SLC25A3: variants seen among roughly 807,000 people sequenced by gnomAD.
SLC25A3 encodes solute carrier family 25 member 3.
SLC25A3 carries 14 observed loss-of-function variants against 37.1 expected under a neutral mutation model. The ratio of observed to expected loss-of-function variants is 0.38; its 90% CI spans 0.25 to 0.59. The LOEUF (loss-of-function observed/expected upper bound fraction) is 0.59, where lower values mean the gene tolerates loss of function less well. Ranked by LOEUF, SLC25A3 falls within the 20% of genes least tolerant of loss-of-function variation. The pLI is 0.67. For synonymous variants in SLC25A3, 161 were observed against 168.7 expected (o/e 0.95, Z 0.36); for missense variants, 385 against 458.1 (o/e 0.84, Z 1.46).
rs1394128435 is a variant in SLC25A3 at position 98,604,261 on chromosome 12, A to ATAT, written c.*2733_*2734insTAT. ...CAGCGAAACTCTGTCTCAAAAAAAA[A>ATAT]AAATATATATATATATATATATATA... On this transcript the variant is annotated 3_prime_UTR_variant, in exon 8 of 8. Coordinates refer to ENST00000552981, the MANE Select transcript of SLC25A3 (RefSeq NM_002635.4). The ATAT allele has an allele frequency of 3.2e-4, 38 of 117,336 alleles. No homozygotes were observed. The highest frequency in any genetic ancestry group is 1.1e-3 in the African/African-American group (34 of 31,158). The allele number at this position is 117,336 out of a possible 1,614,324, so 7.3% of individuals were successfully genotyped here.
chr12:98,600,071 G>C lies in SLC25A3; in HGVS notation c.758G>C (p.Arg253Pro). 1 of 1,614,152 alleles carries C rather than the reference G, an allele frequency of 6.2e-7. No homozygotes were observed. Among genetic ancestry groups the C allele is most frequent in the Non-Finnish European group, 8.5e-7 (1 of 1,179,992 alleles). Residue 253 changes from arginine to proline, a missense_variant, in exon 6 of 8, where the codon CGC becomes CCC. Arg to Pro is a moderately radical substitution (Grantham distance 103). Transcript: ENST00000552981. ...TACAAGTTTGTGGTTCCTAAGCCCC[G>C]CAGTGAATGTTCAAAGCCAGAGCAG... is the stretch of plus-strand genomic sequence containing the variant. ...ALYKFVVPKP[R>P]SECSKPEQLV... is the part of the protein sequence containing the mutation.
chr12:98,604,458 A>C lies in SLC25A3; in HGVS notation c.*2930A>C, dbSNP rs2097600144. 1 of 151,610 alleles carries C rather than the reference A, an allele frequency of 6.6e-6. No individual in the cohort carries two copies. The highest frequency in any genetic ancestry group is 1.5e-5 in the Non-Finnish European group (1 of 67,952). 9.4% of individuals were successfully genotyped at this position (151,610 alleles called of 1,614,324 possible). A position where few individuals can be genotyped will look rare whatever the true frequency, so the allele number is the denominator to read the frequency against. Reference sequence around the variant, plus strand: ...TGAACAGAAGAGTAACAGCTTAACTAAACCTCCATTGTGTGAAAGTTTTAT... The same window carrying C: ...TGAACAGAAGAGTAACAGCTTAACTCAACCTCCATTGTGTGAAAGTTTTAT... On this transcript the variant is annotated 3_prime_UTR_variant, in exon 8 of 8. Coordinates refer to ENST00000552981, the MANE Select transcript of SLC25A3 (RefSeq NM_002635.4).
chr12:98,594,054 C>A lies in SLC25A3; in HGVS notation c.76C>A (p.Leu26Ile). Residue 26 changes from leucine (L) to isoleucine (I), a missense_variant, in exon 2 of 8, where the codon CTC becomes ATC. Leu to Ile is a conservative substitution (Grantham distance 5, BLOSUM62 2). Around this residue, in one of 2 missense-constraint regions of SLC25A3, gnomAD observed 109 missense variants for 90.5 expected, o/e 1.20. Coordinates refer to ENST00000552981, the MANE Select transcript of SLC25A3 (RefSeq NM_002635.4). ...ACATCTGCAGCTGGTGCACGATGGT[C>A]TCGGGGACCTCCGCAGCAGCTCCCC... Reference protein sequence around the residue: ...TPHLQLVHDGLGDLRSSSPGP... With the variant: ...TPHLQLVHDGIGDLRSSSPGP... The A allele has an allele frequency of 6.2e-7, 1 of 1,613,288 alleles. No individual in the cohort carries two copies. Among genetic ancestry groups the A allele is most frequent in the South Asian group, 1.1e-5 (1 of 91,080 alleles).
chr12:98,594,475 A>G (rs901725547), intron 2 of SLC25A3: 4 of 644,724 alleles, frequency 6.2e-6, no homozygotes, highest in East Asian at 2.7e-5. Context: ...GAAACTACTG[A>G]CCACCCACAG....
exon 8 of SLC25A3, chr12:98,606,365 AAACT>A: frequency 6.6e-6 from 1 of 152,340 alleles, no homozygotes; most frequent in South Asian, 2.1e-4. Flanking sequence ...ATAAAAGTTC[AAACT>A]ATGTGTTGAA....
intron 5 of SLC25A3, among the ~76,000 whole-genome samples, chr12:98,599,187 G>T (rs2097595650): frequency 6.6e-6 from 1 of 151,994 alleles, no homozygotes; most frequent in Admixed American, 6.6e-5. Flanking sequence ...TCAGCCTGCT[G>T]AATAGCTGGG....
At position 98,595,759 on chromosome 12, in the gene SLC25A3, T is replaced by C. The variant is rs2097592518; in HGVS notation, c.190T>C (p.Tyr64His). 2 of 1,614,078 alleles carry C rather than the reference T, an allele frequency of 1.2e-6. No homozygotes were observed. Among genetic ancestry groups the C allele is most frequent in the Non-Finnish European group, 1.7e-6 (2 of 1,180,014 alleles). ...TTGTGAATTTGGCTCCGCGAAGTAT[T>C]ATGCACTGTGTGGCTTTGGTGGGGT... The part of the protein sequence containing the change: ...YSCEFGSAKY[Y>H]ALCGFGGVLS... Residue 64 changes from tyrosine (Y) to histidine (H), a missense_variant, in exon 3 of 8, where the codon TAT becomes CAT. Coordinates refer to ENST00000552981, the MANE Select transcript of SLC25A3 (RefSeq NM_002635.4).
Position 98,602,786 on chromosome 12 carries a change from C to T in SLC25A3, c.*1258C>T, listed in dbSNP as rs1381327335. On this transcript the variant is annotated 3_prime_UTR_variant, in exon 8 of 8. Coordinates refer to ENST00000552981, the MANE Select transcript of SLC25A3 (RefSeq NM_002635.4). ...CAAACACTAGATTTTACCTAGAGTC[C>T]TTATGTGTAATACGTGGGTTGGTTA... 1 of 152,128 alleles carries T rather than the reference C, an allele frequency of 6.6e-6. No homozygotes were observed. Among genetic ancestry groups the T allele is most frequent in the Admixed American group, 6.6e-5 (1 of 15,258 alleles). 9.4% of individuals were successfully genotyped at this position (152,128 alleles called of 1,614,324 possible). A position where few individuals can be genotyped will look rare whatever the true frequency, so the allele number is the denominator to read the frequency against.
rs150766632 is a variant in SLC25A3 at position 98,606,081 on chromosome 12, C to T, written c.*4553C>T. The T allele has an allele frequency of 3.9e-4, 60 of 152,200 alleles. No homozygotes were observed. Among genetic ancestry groups the T allele is most frequent in the African/African-American group, 1.0e-3 (43 of 41,524 alleles). 9.4% of individuals were successfully genotyped at this position (152,200 alleles called of 1,614,324 possible). Reference sequence around the variant, plus strand: ...GAGCTACAATCACACCCCTGCACTCCGGCCTGGGCGACAGAGTGATAACCT... The same window carrying T: ...GAGCTACAATCACACCCCTGCACTCTGGCCTGGGCGACAGAGTGATAACCT... On this transcript the variant is annotated 3_prime_UTR_variant, in exon 8 of 8. Coordinates refer to ENST00000552981, the MANE Select transcript of SLC25A3 (RefSeq NM_002635.4).
In SLC25A3 at chr12:98,595,830, A is replaced by G; in HGVS notation, c.261A>G (p.Leu87=). The stretch of plus-strand genomic sequence containing the variant: ...ACACTGCTGTGGTTCCCCTGGATTT[A>G]GTGAAATGCCGTATGCAGGTTTGTA... ...LTHTAVVPLD[L]VKCRMQVDPQ... Residue 87 remains leucine, a synonymous_variant, in exon 3 of 8, where the codon TTA becomes TTG. Transcript: ENST00000552981. 2 of 1,614,140 alleles carry G rather than the reference A, an allele frequency of 1.2e-6. No homozygotes were observed. The highest frequency in any genetic ancestry group is 1.7e-6 in the Non-Finnish European group (2 of 1,179,968).
chr12:98,594,450 G>GT (rs1296882152), intron 2 of SLC25A3: 3 of 668,140 alleles, frequency 4.5e-6, no homozygotes, highest in Admixed American at 2.1e-5. Context: ...TAAGTACTGG[G>GT]TAAACTCTCC....
rs774087747 is a variant in SLC25A3, at chr12:98,597,888, C to A, written c.312C>A (p.Asn104Lys). The A allele has an allele frequency of 6.2e-7, 1 of 1,613,866 alleles. No individual in the cohort carries two copies. The highest frequency in any genetic ancestry group is 1.3e-5 in the African/African-American group (1 of 74,944). The change falls in exon 4 of 8, where the codon AAC (asparagine) becomes AAA (lysine). Residue 104 changes from asparagine (N) to lysine (K), a missense_variant. Asn to Lys is a moderately conservative substitution (Grantham distance 94). Transcript: ENST00000552981. ...CCCAAAAGTACAAGGGCATATTTAA[C>A]GGATTCTCAGTTACACTTAAAGAGG... is the stretch of plus-strand genomic sequence containing the variant. ...VDPQKYKGIFNGFSVTLKEDG... is the reference protein window; with the variant it reads ...VDPQKYKGIFKGFSVTLKEDG...
At chr12:98,600,613 T>A (rs1268848141) in intron 6 of SLC25A3, among the ~76,000 whole-genome samples, 1 of 152,080 alleles carries the variant, frequency 6.6e-6, no homozygotes. Context: ...GGTTTCACTA[T>A]GTTGGCCAGG....
chr12:98,595,324 A>G (rs2097592067), intron 2 of SLC25A3: 1 of 1,203,152 alleles, frequency 8.3e-7, no homozygotes, highest in Non-Finnish European at 1.2e-6. Context: ...GGCCAAAGCT[A>G]TTCAGCTGTG....
intron 3 of SLC25A3, chr12:98,597,509 T>C: frequency 3.7e-6 from 1 of 272,906 alleles, no homozygotes; most frequent in East Asian, 9.8e-5. Context: ...CCTCCCTCCC[T>C]CAGGCTCAAG....
Position 98,601,601 on chromosome 12 carries a change from A to G in SLC25A3, c.*73A>G. On this transcript the variant is annotated 3_prime_UTR_variant, in exon 8 of 8. Coordinates refer to ENST00000552981, the MANE Select transcript of SLC25A3 (RefSeq NM_002635.4). ...AAGAAAGTGCAAAAGGAACTTTTAT[A>G]TATTTGACAGTGTAGGAAATTGTCT... 2 of 973,160 alleles carry G rather than the reference A, an allele frequency of 2.1e-6. No homozygotes were observed. The highest frequency in any genetic ancestry group is 1.7e-6 in the Non-Finnish European group (1 of 602,420). 60.3% of individuals were successfully genotyped at this position (973,160 alleles called of 1,614,324 possible).
rs1262602770 is a variant in SLC25A3, at chr12:98,597,939, A to G, written c.363A>G (p.Gly121=). Residue 121 remains glycine, a synonymous_variant, in exon 4 of 8, where the codon GGA becomes GGG. Transcript: ENST00000552981. ...KEDGVRGLAK[G]WAPTFLGYSM... is the part of the protein sequence containing the mutation. ...ATGGTGTTCGTGGTTTGGCTAAAGG[A>G]TGGGCTCCGACTTTCCTTGGCTACT... 7 of 1,614,026 alleles carry G rather than the reference A, an allele frequency of 4.3e-6. No individual in the cohort carries two copies. Among genetic ancestry groups the G allele is most frequent in the Non-Finnish European group, 5.9e-6 (7 of 1,180,036 alleles).
At chr12:98,601,315 AAC>A (rs1263941864) in intron 7 of SLC25A3, 34 bp downstream of exon 7, 1 of 1,614,030 alleles carries the variant, frequency 6.2e-7, no homozygotes, top group Non-Finnish European at 8.5e-7. Flanking sequence ...AAGAAAGAAC[AAC>A]AGTTTTGGAT....
chr12:98,597,952 T>C lies in SLC25A3; in HGVS notation c.376T>C (p.Phe126Leu), dbSNP rs78903795. Residue 126 changes from phenylalanine to leucine, a missense_variant, in exon 4 of 8, where the codon TTC becomes CTC. This residue lies in a region of SLC25A3 where 276 missense variants were observed against 367.6 expected (regional missense o/e 0.75). Transcript: ENST00000552981. Reference protein sequence around the residue: ...RGLAKGWAPTFLGYSMQGLCK... With the variant: ...RGLAKGWAPTLLGYSMQGLCK... Reference sequence around the variant, plus strand: ...TTTGGCTAAAGGATGGGCTCCGACTTTCCTTGGCTACTCCATGCAGGGACT... The same window carrying C: ...TTTGGCTAAAGGATGGGCTCCGACTCTCCTTGGCTACTCCATGCAGGGACT... The C allele has an allele frequency of 2.8e-5, 46 of 1,614,156 alleles. No individual in the cohort carries two copies. The African/African-American group carries it at 5.6e-4, about 20-fold the overall frequency.
Sources: allele counts gnomAD v4.1 joint callset (sites outside exome capture counted in the v4.1 genomes callset), GRCh38; gene constraint gnomAD v4.1.1; regional missense constraint gnomAD v4.1.1; transcripts MANE v1.5; gene names NCBI Gene and HGNC (gene_info 2026-07-23, HGNC 2026-07-21).